Variants in MED24 observed in about 807,000 individuals in gnomAD.
The protein encoded by MED24 is mediator of RNA polymerase II transcription subunit 24.
A neutral mutation model predicts 118.8 loss-of-function variants in MED24; 74 were observed. That is an observed-to-expected ratio of 0.62 (90% CI 0.52 to 0.76). MED24 has a LOEUF of 0.76. Ranked by LOEUF, MED24 falls within the 30% of genes least tolerant of loss-of-function variation. The pLI is 0.00. For missense variants in MED24, 1,041 were observed against 1,278.9 expected, an observed-to-expected ratio of 0.81 and a Z score of 2.84; for synonymous variants, 521 against 523.9, an observed-to-expected ratio of 0.99 and a Z score of 0.08.
At chr17:40,022,524 G>A (rs755935913) in intron 21 of MED24, 40 bp from the exon 22 acceptor site, 3 of 1,591,798 alleles carry the variant, frequency 1.9e-6, no homozygotes, top group Non-Finnish European at 2.6e-6. Flanking sequence ...AGTGAGAGGT[G>A]CCCCAGGAGC....
In MED24 at chr17:40,022,047, A is replaced by G; in HGVS notation, c.2531T>C (p.Ile844Thr). ...KRHREDIEDYISLFPLDDVQP... is the reference protein window; with the variant it reads ...KRHREDIEDYTSLFPLDDVQP... ...CACATCGTCCAGGGGGAAGAGGCTG[A>G]TATAATCCTAGAGGGAGTGAAAGTC... The change falls in exon 23 of 26, where the codon ATC (isoleucine) becomes ACC (threonine). Residue 844 changes from isoleucine to threonine, a missense_variant. Ile to Thr is a moderately conservative substitution (Grantham distance 89, BLOSUM62 -1). Coordinates refer to ENST00000394128, the MANE Select transcript of MED24 (RefSeq NM_014815.4). 1.2e-6 allele frequency: 2 copies of G among 1,606,540 alleles called. No individual in the cohort carries two copies. The highest frequency in any genetic ancestry group is 1.7e-6 in the Non-Finnish European group (2 of 1,175,964).
At chr17:40,034,785 A>C in intron 6 of MED24, 3 of 624,624 alleles carry the variant, frequency 4.8e-6, no homozygotes, top group African/African-American at 1.8e-5. Flanking sequence ...GTGATGTACT[A>C]GTCTTGCTAC....
intron 13 of MED24, 149 bp from the exon 14 acceptor site, chr17:40,029,117 C>A (rs1983066571): frequency 1.9e-6 from 2 of 1,052,472 alleles, no homozygotes; most frequent in Non-Finnish European, 1.4e-6. Flanking sequence ...AAAACCCACC[C>A]CTGCTCTCCG....
intron 11 of MED24, 21 bp downstream of exon 11, chr17:40,031,517 G>A: frequency 6.2e-7 from 1 of 1,608,498 alleles, no homozygotes. Flanking sequence ...GTAGGGCGGG[G>A]GTGACCAGGG....
chr17:40,020,069 G>T, intron 24 of MED24, 136 bp from the exon 25 acceptor site: 3 of 1,203,168 alleles, frequency 2.5e-6, no homozygotes, highest in Non-Finnish European at 2.4e-6. Flanking sequence ...GTCAGAGAGA[G>T]AAAATATAAA....
chr17:40,044,371 T>A (rs2144967307), intron 3 of MED24, among the ~76,000 whole-genome samples: 2 of 151,190 alleles, frequency 1.3e-5, no homozygotes, highest in Middle Eastern at 3.4e-3. Flanking sequence ...AATACAAAAA[T>A]TAGCTGGGCA....
intron 11 of MED24, 76 bp from the exon 12 acceptor site, chr17:40,031,321 G>A: frequency 1.4e-6 from 2 of 1,390,392 alleles, no homozygotes; most frequent in Non-Finnish European, 2.0e-6. Context: ...AGGTCCCTGA[G>A]CAGCATCCTC....
Position 40,019,282 on chromosome 17 carries a change from C to CT in MED24, c.*246dup. On this transcript the variant is annotated 3_prime_UTR_variant, in exon 26 of 26. Transcript: ENST00000394128. ...GGGCGGGCGCACACAGGGGTGACCA[C>CT]TGGGCTTGTGGTCCAGGCTGCTCAC... 3.7e-6 allele frequency: 2 copies of CT among 534,464 alleles called. No homozygotes were observed. The highest frequency in any genetic ancestry group is 6.7e-6 in the Non-Finnish European group (2 of 300,412). The allele number at this position is 534,464 out of a possible 1,614,324, so 33.1% of individuals were successfully genotyped here.
chr17:40,047,208 A>C (rs566977694), intron 3 of MED24, among the ~76,000 whole-genome samples: 20 of 152,232 alleles, frequency 1.3e-4, no homozygotes, highest in Non-Finnish European at 2.2e-4. Flanking sequence ...CAGTATACGA[A>C]CTATATCCCA....
intron 19 of MED24, among the ~76,000 whole-genome samples, chr17:40,024,020 A>G (rs1009043060): frequency 2.6e-5 from 4 of 152,140 alleles, no homozygotes; most frequent in African/African-American, 4.8e-5. Context: ...CACCTGCACA[A>G]TGGAGCCACA....
chr17:40,019,940 A>G lies in MED24; in HGVS notation c.2705-7T>C, dbSNP rs770172937. 5.8e-6 allele frequency: 9 copies of G among 1,560,738 alleles called. No individual in the cohort carries two copies. The South Asian group carries it at 1.1e-4, about 18-fold the overall frequency. On this transcript the variant is annotated splice_region_variant and splice_polypyrimidine_tract_variant and intron_variant, in intron 24 of 25. Transcript: ENST00000394128. ...ATGAGCAGGAACAGGTTGGCTGTAG[A>G]GAGTGGGGGGAGAGTGACAGGAGGG...
rs138601918 is a variant in MED24, at chr17:40,021,004, C to T, written c.2624-651G>A. On this transcript the variant is annotated intron_variant, in intron 23 of 25. Transcript: ENST00000394128. ...AGGAAAATTGCTTAAACCCAGGAGG[C>T]GGAGGTTGCAGTAAGCTGAGATCGT... 7.4e-3 allele frequency among the ~76,000 whole-genome samples: 1,125 copies of T among 151,902 alleles called. 8 individuals are homozygous for T. Among genetic ancestry groups the T allele is most frequent in the African/African-American group, 0.026 (1,073 of 41,418 alleles).
At chr17:40,037,488 T>C (rs1251854377) in intron 3 of MED24, among the ~76,000 whole-genome samples, 1 of 152,086 alleles carries the variant, frequency 6.6e-6, no homozygotes, top group Non-Finnish European at 1.5e-5. Flanking sequence ...ACCACAAACT[T>C]GATGTTTGTA....
intron 22 of MED24, 42 bp downstream of exon 22, chr17:40,022,352 C>T (rs529431580): frequency 1.7e-5 from 27 of 1,554,242 alleles, no homozygotes; most frequent in Middle Eastern, 1.7e-4. Flanking sequence ...TGTAACAAAC[C>T]GGTGAACAAG....
At chr17:40,042,304 A>G (rs1003928346) in intron 3 of MED24, among the ~76,000 whole-genome samples, 1 of 152,256 alleles carries the variant, frequency 6.6e-6, no homozygotes, top group Admixed American at 6.5e-5. Context: ...ATTTTGAAAA[A>G]TAAAGAAACT....
At chr17:40,053,015 T>C (rs770206553) in intron 3 of MED24, among the ~76,000 whole-genome samples, 3 of 152,090 alleles carry the variant, frequency 2.0e-5, no homozygotes, top group Non-Finnish European at 2.9e-5. Flanking sequence ...CTCATTGCAG[T>C]CTCGACCTCC....
chr17:40,040,964 G>C (rs1020216579), intron 3 of MED24, among the ~76,000 whole-genome samples: 1 of 151,604 alleles, frequency 6.6e-6, no homozygotes, highest in Admixed American at 6.6e-5. Flanking sequence ...TCTAGGCTGG[G>C]CTCAAACTCC....
At position 40,023,307 on chromosome 17, in the gene MED24, C is replaced by T; in HGVS notation, c.2074G>A (p.Val692Met). 5 of 1,614,082 alleles carry T rather than the reference C, an allele frequency of 3.1e-6. No individual in the cohort carries two copies. Among genetic ancestry groups the T allele is most frequent in the Non-Finnish European group, 3.4e-6 (4 of 1,179,986 alleles). Residue 692 changes from valine (V) to methionine (M), a missense_variant, in exon 20 of 26, where the codon GTG becomes ATG. By Grantham distance (21) the Val-to-Met change is conservative. Around this residue, in one of 3 missense-constraint regions of MED24, gnomAD observed 587 missense variants for 694.4 expected, o/e 0.85. Coordinates refer to ENST00000394128, the MANE Select transcript of MED24 (RefSeq NM_014815.4). ...AGGTTCCAGTAGGGCATTGTGTCCA[C>T]CCCGGTGGAGGGAAACTTGATCTGC... ...ATQIKFPSTG[V>M]DTMPYWNLLP...
At chr17:40,042,706 A>C (rs1490738558) in intron 3 of MED24, among the ~76,000 whole-genome samples, 1 of 152,140 alleles carries the variant, frequency 6.6e-6, no homozygotes, top group Non-Finnish European at 1.5e-5. Flanking sequence ...ATACCAATGA[A>C]ATATACTAGG....
Sources: gnomAD v4.1 joint callset for allele counts (sites outside exome capture counted in the v4.1 genomes callset) on GRCh38, gnomAD v4.1.1 for gene constraint, gnomAD v4.1.1 regional missense constraint, MANE v1.5 for transcripts, NCBI Gene and HGNC (gene_info 2026-07-23, HGNC 2026-07-21) for gene names.